Variants in DSC3 observed in about 807,000 individuals in gnomAD.
The protein encoded by DSC3 is desmocollin 3.
Under a neutral mutation model 89.5 loss-of-function variants are expected in DSC3, and 97 were observed. That is an observed-to-expected ratio of 1.08 (90% CI 0.92 to 1.28). DSC3 has a LOEUF of 1.28. DSC3 is among the 50% of genes most tolerant of loss of function. The pLI is 0.00. For missense variants in DSC3, 1,199 were observed against 1,085.3 expected (o/e 1.10, Z -1.47); for synonymous variants, 436 against 384.1 (o/e 1.14, Z -1.58).
In DSC3 at chr18:30,992,482, A is replaced by C. The variant is rs973161830; in HGVS notation, c.*1693T>G. The C allele has an allele frequency of 1.3e-5, 2 of 152,204 alleles. No homozygotes were observed. The highest frequency in any genetic ancestry group is 2.9e-5 in the Non-Finnish European group (2 of 68,058). The allele number at this position is 152,204 out of a possible 1,614,324, so 9.4% of individuals were successfully genotyped here. Reference sequence around the variant, plus strand: ...TAGAGAAGAGGTTGGCTGATCCCTCACCGGACTCAAATGGCAGTTGCCATT... The same window carrying C: ...TAGAGAAGAGGTTGGCTGATCCCTCCCCGGACTCAAATGGCAGTTGCCATT... On this transcript the variant is annotated 3_prime_UTR_variant, in exon 16 of 16. Coordinates refer to ENST00000360428, the MANE Select transcript of DSC3 (RefSeq NM_001941.5).
At chr18:31,010,597 T>C (rs1236136228) in intron 9 of DSC3, among the ~76,000 whole-genome samples, 3 of 152,324 alleles carry the variant, frequency 2.0e-5, no homozygotes, top group Non-Finnish European at 4.4e-5. Context: ...TAAATTCTCT[T>C]CCACCTCAGG....
intron 11 of DSC3, among the ~76,000 whole-genome samples, 177 bp downstream of exon 11, chr18:31,007,839 C>T (rs1015289415): frequency 6.6e-6 from 1 of 152,058 alleles, no homozygotes; most frequent in South Asian, 2.1e-4. Context: ...AAATAAAACA[C>T]GGCTTCTTGT....
intron 1 of DSC3, among the ~76,000 whole-genome samples, chr18:31,038,301 CTT>C (rs1470560028): frequency 1.3e-5 from 2 of 152,156 alleles, no homozygotes; most frequent in African/African-American, 4.8e-5. Context: ...AAAGAAATAA[CTT>C]ATCACAAACC....
At position 31,008,164 on chromosome 18, in the gene DSC3, A is replaced by G; in HGVS notation, c.1521-6T>C. 6.2e-7 allele frequency: 1 copy of G among 1,607,720 alleles called. No homozygotes were observed. Among genetic ancestry groups the G allele is most frequent in the Non-Finnish European group, 8.5e-7 (1 of 1,176,248 alleles). Reference sequence around the variant, plus strand: ...GATCATGCAATTTTTTGTACCTGTTAATAAAAAAAAAATAGTCTTTAGCAT... The same window carrying G: ...GATCATGCAATTTTTTGTACCTGTTGATAAAAAAAAAATAGTCTTTAGCAT... On this transcript the variant is annotated splice_region_variant and splice_polypyrimidine_tract_variant and intron_variant, in intron 10 of 15. Transcript: ENST00000360428.
intron 9 of DSC3, among the ~76,000 whole-genome samples, chr18:31,011,801 T>A (rs912872053): frequency 1.1e-4 from 16 of 151,922 alleles, no homozygotes; most frequent in Admixed American, 3.9e-4. Flanking sequence ...GAGACCAGCC[T>A]GGGCAACACG....
intron 1 of DSC3, among the ~76,000 whole-genome samples, chr18:31,038,783 A>T (rs1361694692): frequency 1.3e-5 from 2 of 152,088 alleles, no homozygotes; most frequent in African/African-American, 4.8e-5. Flanking sequence ...GAAATGGAAC[A>T]TTACTAATAT....
intron 4 of DSC3, among the ~76,000 whole-genome samples, chr18:31,029,243 G>A (rs1243159294): frequency 6.6e-6 from 1 of 152,114 alleles, no homozygotes; most frequent in Admixed American, 6.5e-5. Flanking sequence ...AGTACTTAGA[G>A]CAGTACCTCC....
chr18:30,994,431 A>T, intron 15 of DSC3, 59 bp from the exon 16 acceptor site: 1 of 1,589,432 alleles, frequency 6.3e-7, no homozygotes, highest in Non-Finnish European at 8.6e-7. Context: ...AAATATATGA[A>T]CATAAAATTT....
intron 3 of DSC3, among the ~76,000 whole-genome samples, chr18:31,030,090 A>G (rs1985730684): frequency 6.6e-6 from 1 of 152,212 alleles, no homozygotes; most frequent in African/African-American, 2.4e-5. Context: ...CTTGGCCACC[A>G]TAAGTCATGT....
chr18:31,029,058 C>T (rs957397679), intron 4 of DSC3, among the ~76,000 whole-genome samples: 2 of 152,280 alleles, frequency 1.3e-5, no homozygotes, highest in African/African-American at 4.8e-5. Context: ...CTTTTTACCA[C>T]CTTACCTCAG....
Position 30,994,100 on chromosome 18 carries a change from G to GA in DSC3, c.*74dup, listed in dbSNP as rs1428744606. 7.1e-6 allele frequency: 10 copies of GA among 1,404,636 alleles called. No homozygotes were observed. Among genetic ancestry groups the GA allele is most frequent in the East Asian group, 4.6e-5 (2 of 43,332 alleles). The allele number at this position is 1,404,636 out of a possible 1,614,324, so 87.0% of individuals were successfully genotyped here. On this transcript the variant is annotated 3_prime_UTR_variant, in exon 16 of 16. Transcript: ENST00000360428. ...AAAAATCATCATATACATACATGTTGAAATTGAACTTTACAATATTATTTT... is the reference window on the plus strand; with the variant it reads ...AAAAATCATCATATACATACATGTTGAAAATTGAACTTTACAATATTATTTT...
In DSC3 at chr18:30,992,603, T is replaced by C. The variant is rs977347494; in HGVS notation, c.*1572A>G. 9.8e-5 allele frequency: 15 copies of C among 152,414 alleles called. No individual in the cohort carries two copies. The highest frequency in any genetic ancestry group is 3.1e-4 in the African/African-American group (13 of 41,594). The allele number at this position is 152,414 out of a possible 1,614,324, so 9.4% of individuals were successfully genotyped here. ...CACCCATATTCCTTGTGGCCTCTCCTTGCCCTTGAAGGCCTGCATCTTCCT... is the reference window on the plus strand; with the variant it reads ...CACCCATATTCCTTGTGGCCTCTCCCTGCCCTTGAAGGCCTGCATCTTCCT... On this transcript the variant is annotated 3_prime_UTR_variant, in exon 16 of 16. Transcript: ENST00000360428.
chr18:31,042,238 C>G (rs529350038), intron 1 of DSC3, among the ~76,000 whole-genome samples: 13 of 152,296 alleles, frequency 8.5e-5, no homozygotes, highest in Admixed American at 5.2e-4. Context: ...CAAAGGCGCC[C>G]TCCAACCACC....
At chr18:31,036,268 T>C (rs1264729589) in intron 1 of DSC3, among the ~76,000 whole-genome samples, 1 of 152,206 alleles carries the variant, frequency 6.6e-6, no homozygotes, top group Non-Finnish European at 1.5e-5. Flanking sequence ...GCCAACCTAA[T>C]GGCTGTTTTA....
Position 30,994,392 on chromosome 18 carries a change from A to C in DSC3, c.2494-20T>G. On this transcript the variant is annotated intron_variant, in intron 15 of 15. Transcript: ENST00000360428. ...CAATTTCTGTAAAATTTTTTAAAAA[A>C]TGAATTGCATTATAGTTTTAAACAA... 1 of 1,610,322 alleles carries C rather than the reference A, an allele frequency of 6.2e-7. No individual in the cohort carries two copies. The highest frequency in any genetic ancestry group is 8.5e-7 in the Non-Finnish European group (1 of 1,177,306).
chr18:31,007,768 T>C (rs1195593208), intron 11 of DSC3, among the ~76,000 whole-genome samples: 1 of 152,192 alleles, frequency 6.6e-6, no homozygotes, highest in Non-Finnish European at 1.5e-5. Flanking sequence ...GTTTTATTTT[T>C]GTCCTCTAGC....
At chr18:31,000,292 T>A (rs904107551) in intron 14 of DSC3, among the ~76,000 whole-genome samples, 15 of 152,210 alleles carry the variant, frequency 9.9e-5, no homozygotes, top group African/African-American at 3.4e-4. Flanking sequence ...TTATCCTTTA[T>A]ACCTTTGAAA....
chr18:30,997,318 A>T (rs1984511820), intron 14 of DSC3, among the ~76,000 whole-genome samples: 1 of 152,150 alleles, frequency 6.6e-6, no homozygotes, highest in African/African-American at 2.4e-5. Flanking sequence ...AAGATCAAGG[A>T]GTTCACATTT....
At chr18:31,037,084 C>G (rs898571422) in intron 1 of DSC3, among the ~76,000 whole-genome samples, 2 of 152,238 alleles carry the variant, frequency 1.3e-5, no homozygotes, top group East Asian at 3.9e-4. Context: ...AGCCACCGCA[C>G]TCGGCCGAAT....
Sources: allele counts gnomAD v4.1 joint callset (sites outside exome capture counted in the v4.1 genomes callset), GRCh38; gene constraint gnomAD v4.1.1; transcripts MANE v1.5; gene names NCBI Gene and HGNC (gene_info 2026-07-23, HGNC 2026-07-21).